Variants in SLC34A2 observed in about 807,000 individuals in gnomAD.
SLC34A2 encodes the protein solute carrier family 34 member 2.
In SLC34A2, 41 loss-of-function variants were observed where a neutral mutation model predicts 50.8. The observed-to-expected ratio is 0.81, with a 90% CI of 0.63 to 1.05. SLC34A2 has a LOEUF of 1.05. Among genes scored for constraint, SLC34A2 ranks in the 50% least tolerant of loss-of-function variants. SLC34A2 has a pLI of 0.00. For synonymous variants in SLC34A2, 401 were observed against 364.2 expected, an observed-to-expected ratio of 1.10 and a Z score of -1.15; for missense variants, 879 against 876.7, an observed-to-expected ratio of 1.00 and a Z score of -0.03.
chr4:25,671,594 C>A lies in SLC34A2; in HGVS notation c.928-7C>A. On this transcript the variant is annotated splice_polypyrimidine_tract_variant and splice_region_variant and intron_variant, in intron 8 of 12. Transcript: ENST00000382051. ...TGTTGTGGGCATTTGTCATGTTTGT[C>A]ATCCAGACCCAGATTAACGTCACTG... is the stretch of plus-strand genomic sequence containing the variant. The A allele has an allele frequency of 6.2e-7, 1 of 1,614,068 alleles. No individual in the cohort carries two copies. Among genetic ancestry groups the A allele is most frequent in the Non-Finnish European group, 8.5e-7 (1 of 1,179,994 alleles).
In SLC34A2 at chr4:25,676,320, G is replaced by T; in HGVS notation, c.1644G>T (p.Ser548=). ...FLIPLTVFGL[S]LAGWRVLVGV... Reference sequence around the variant, plus strand: ...TCCCGCTGACGGTGTTTGGCCTCTCGCTGGCCGGCTGGCGGGTGCTGGTTG... The same window carrying T: ...TCCCGCTGACGGTGTTTGGCCTCTCTCTGGCCGGCTGGCGGGTGCTGGTTG... Residue 548 remains serine (S), a synonymous_variant, in exon 13 of 13, where the codon TCG becomes TCT. Transcript: ENST00000382051. The T allele has an allele frequency of 6.2e-7, 1 of 1,614,158 alleles. No individual in the cohort carries two copies.
Position 25,664,142 on chromosome 4 carries a change from G to A in SLC34A2, c.251-60G>A, listed in dbSNP as rs561762054. On this transcript the variant is annotated intron_variant, in intron 3 of 12. Coordinates refer to ENST00000382051, the MANE Select transcript of SLC34A2 (RefSeq NM_006424.3). ...TGAGCTCATTGCCAAACTTCTCAGG[G>A]TTTCCAACACTAAAAGTTTCATGCC... 6.9e-6 allele frequency: 11 copies of A among 1,583,642 alleles called. No homozygotes were observed. The East Asian group carries it at 8.9e-5, about 13-fold the overall frequency.
At chr4:25,670,643 T>A in intron 7 of SLC34A2, 95 bp from the exon 8 acceptor site, 1 of 893,282 alleles carries the variant, frequency 1.1e-6, no homozygotes, top group Non-Finnish European at 1.8e-6. Context: ...GTCACATTTA[T>A]CTCCTTAGAG....
At chr4:25,655,915 G>T (rs564366689) in intron 1 of SLC34A2, 25 bp downstream of exon 1, 2 of 152,408 alleles carry the variant, frequency 1.3e-5, no homozygotes, top group Non-Finnish European at 2.9e-5. Flanking sequence ...CGGGGCAGGG[G>T]CGCTTCCTCG....
chr4:25,676,194 G>A lies in SLC34A2; in HGVS notation c.1518G>A (p.Pro506=), dbSNP rs1016233086. Reference sequence around the variant, plus strand: ...GCATCTTGCTGTGGTACCCGATCCCGTTCACTCGCCTGCCCATCCGCATGG... The same window carrying A: ...GCATCTTGCTGTGGTACCCGATCCCATTCACTCGCCTGCCCATCCGCATGG... ...ISGILLWYPI[P]FTRLPIRMAK... Residue 506 remains proline, a synonymous_variant, in exon 13 of 13, where the codon CCG becomes CCA. Coordinates refer to ENST00000382051, the MANE Select transcript of SLC34A2 (RefSeq NM_006424.3). The A allele has an allele frequency of 9.9e-6, 16 of 1,614,098 alleles. No homozygotes were observed. The highest frequency in any genetic ancestry group is 3.3e-5 in the Admixed American group (2 of 60,024).
chr4:25,678,512 GGTGATTTTT>G lies in SLC34A2; in HGVS notation c.*1764_*1772del. 1 of 179,330 alleles carries G rather than the reference GGTGATTTTT, an allele frequency of 5.6e-6. No homozygotes were observed. The highest frequency in any genetic ancestry group is 1.4e-4 in the East Asian group (1 of 7,298). The allele number at this position is 179,330 out of a possible 1,614,324, so 11.1% of individuals were successfully genotyped here. On this transcript the variant is annotated 3_prime_UTR_variant, in exon 13 of 13. Transcript: ENST00000382051. ...GGGGCTGTGGCCGTCTTTGTACTCT[GGTGATTTTT>G]AAAAATTGAATCTTTGTACTTGCAT... is the stretch of plus-strand genomic sequence containing the variant.
intron 3 of SLC34A2, 24 bp from the exon 4 acceptor site, chr4:25,664,178 T>TG: frequency 1.1e-5 from 18 of 1,607,192 alleles, no homozygotes; most frequent in Non-Finnish European, 1.2e-5. Context: ...TTTCTCTCTC[T>TG]CCCCCCATCC....
At chr4:25,669,061 A>G (rs1025871291) in intron 6 of SLC34A2, among the ~76,000 whole-genome samples, 1 of 152,134 alleles carries the variant, frequency 6.6e-6, no homozygotes, top group Non-Finnish European at 1.5e-5. Context: ...GAAACTATTC[A>G]TGTTTCATCA....
intron 1 of SLC34A2, among the ~76,000 whole-genome samples, chr4:25,658,232 TTAA>T (rs1367494798): frequency 6.6e-6 from 1 of 152,202 alleles, no homozygotes; most frequent in Admixed American, 6.5e-5. Context: ...CACAAAGTCT[TTAA>T]TAAACACTAC....
chr4:25,670,648 T>TGGGG, intron 7 of SLC34A2, 90 bp from the exon 8 acceptor site: 1 of 951,530 alleles, frequency 1.1e-6, no homozygotes, highest in Non-Finnish European at 1.7e-6. Flanking sequence ...ATTTATCTCC[T>TGGGG]TAGAGCCCCT....
intron 1 of SLC34A2, among the ~76,000 whole-genome samples, chr4:25,658,031 T>C (rs1358447801): frequency 4.6e-5 from 7 of 152,206 alleles, no homozygotes; most frequent in African/African-American, 7.2e-5. Flanking sequence ...CCGAGAACAC[T>C]GGCCTGCATG....
chr4:25,667,903 C>T lies in SLC34A2; in HGVS notation c.547C>T (p.Pro183Ser), dbSNP rs1388417758. 2 of 1,613,306 alleles carry T rather than the reference C, an allele frequency of 1.2e-6. No individual in the cohort carries two copies. Among genetic ancestry groups the T allele is most frequent in the Admixed American group, 3.3e-5 (2 of 60,004 alleles). Reference protein sequence around the residue: ...SSLLTVRAAIPIIMGANIGTS... With the variant: ...SSLLTVRAAISIIMGANIGTS... The stretch of plus-strand genomic sequence containing the variant: ...AGTGCTCACTGTTCGGGCTGCCATC[C>T]CCATTATCATGGGGGCCAACATTGG... Residue 183 changes from proline to serine, a missense_variant, in exon 6 of 13, where the codon CCC (proline) becomes TCC (serine). Pro to Ser is a moderately conservative substitution (Grantham distance 74). Transcript: ENST00000382051.
At chr4:25,661,705 A>G (rs185221775) in intron 1 of SLC34A2, among the ~76,000 whole-genome samples, 5 of 152,244 alleles carry the variant, frequency 3.3e-5, no homozygotes, top group South Asian at 4.2e-4. Context: ...ATATATTCAC[A>G]TACACACTAA....
chr4:25,656,843 G>A (rs192621450), intron 1 of SLC34A2, among the ~76,000 whole-genome samples: 8 of 152,226 alleles, frequency 5.3e-5, no homozygotes, highest in Non-Finnish European at 1.2e-4. Context: ...TGCCCCAGGG[G>A]GTTTCTGTGT....
chr4:25,656,975 G>A (rs1027226250), intron 1 of SLC34A2, among the ~76,000 whole-genome samples: 1 of 152,118 alleles, frequency 6.6e-6, no homozygotes, highest in African/African-American at 2.4e-5. Context: ...AGGAGTGGCC[G>A]TTGTTTCAGA....
chr4:25,668,891 T>A (rs578118096), intron 6 of SLC34A2, among the ~76,000 whole-genome samples: 1 of 106,546 alleles, frequency 9.4e-6, no homozygotes, highest in Non-Finnish European at 1.8e-5. Context: ...TTCTAGCTAG[T>A]TTTTTTTTTT....
intron 12 of SLC34A2, 67 bp from the exon 13 acceptor site, chr4:25,676,065 CCCT>C (rs1715090770): frequency 6.9e-6 from 11 of 1,593,106 alleles, no homozygotes; most frequent in African/African-American, 1.3e-5. Flanking sequence ...GCTTACCTCC[CCCT>C]CCTCCTCCCT....
At chr4:25,670,580 T>C (rs1714758851) in intron 7 of SLC34A2, among the ~76,000 whole-genome samples, 158 bp from the exon 8 acceptor site, 1 of 152,228 alleles carries the variant, frequency 6.6e-6, no homozygotes, top group African/African-American at 2.4e-5. Context: ...TCCCTAGATA[T>C]CAGTGCCTCT....
At position 25,662,629 on chromosome 4, in the gene SLC34A2, T is replaced by C; in HGVS notation, c.112+17T>C. The C allele has an allele frequency of 6.2e-7, 1 of 1,614,140 alleles. No homozygotes were observed. Among genetic ancestry groups the C allele is most frequent in the South Asian group, 1.1e-5 (1 of 91,084 alleles). On this transcript the variant is annotated intron_variant, in intron 2 of 12. Coordinates refer to ENST00000382051, the MANE Select transcript of SLC34A2 (RefSeq NM_006424.3). ...CCAACAAAAGTAAGTGTCGCTCGTTTGTCTGCAGATCGGCCTTTGTGAGGA... is the reference window on the plus strand; with the variant it reads ...CCAACAAAAGTAAGTGTCGCTCGTTCGTCTGCAGATCGGCCTTTGTGAGGA...
Sources: allele counts gnomAD v4.1 joint callset (sites outside exome capture counted in the v4.1 genomes callset), GRCh38; gene constraint gnomAD v4.1.1; transcripts MANE v1.5; gene names NCBI Gene and HGNC (gene_info 2026-07-23, HGNC 2026-07-21).